The following PTPRD variants were observed in gnomAD, a reference collection of about 807,000 sequenced individuals.
PTPRD encodes protein tyrosine phosphatase receptor type D.
In PTPRD, 34 loss-of-function variants were observed where a neutral mutation model predicts 214.5. The observed-to-expected ratio is 0.16, with a 90% CI of 0.12 to 0.21. PTPRD has a LOEUF of 0.21. PTPRD is among the 10% of genes least tolerant of loss of function. The pLI is 1.00. For synonymous variants in PTPRD, 1,128 were observed against 845.7 expected, an observed-to-expected ratio of 1.33 and a Z score of -5.79; for missense variants, 2,545 against 2,398.7, an observed-to-expected ratio of 1.06 and a Z score of -1.27.
intron 12 of PTPRD, among the ~76,000 whole-genome samples, chr9:8,717,882 G>A (rs149878305): frequency 2.4e-3 from 372 of 152,238 alleles, no homozygotes; most frequent in African/African-American, 8.4e-3. Context: ...TAAGGAACCC[G>A]CTCCTGGTAG....
At chr9:9,403,025 C>A (rs144728308) in intron 8 of PTPRD, among the ~76,000 whole-genome samples, 337 of 148,182 alleles carry the variant, frequency 2.3e-3, no homozygotes, top group African/African-American at 8.1e-3. Context: ...CGCGGTGTCT[C>A]CTGCCTGTAA....
intron 10 of PTPRD, among the ~76,000 whole-genome samples, chr9:9,031,079 A>T (rs1322854631): frequency 6.6e-6 from 1 of 151,972 alleles, no homozygotes; most frequent in Non-Finnish European, 1.5e-5. Context: ...TAAATTGATG[A>T]GAGAGACTTG....
chr9:8,898,730 A>G (rs2098640808), intron 11 of PTPRD, among the ~76,000 whole-genome samples: 1 of 152,168 alleles, frequency 6.6e-6, no homozygotes, highest in African/African-American at 2.4e-5. Flanking sequence ...CACTGATGAC[A>G]AATATTGTTC....
At chr9:8,577,037 C>G (rs919033081) in intron 14 of PTPRD, among the ~76,000 whole-genome samples, 11 of 152,070 alleles carry the variant, frequency 7.2e-5, no homozygotes, top group African/African-American at 2.4e-4. Flanking sequence ...TTCAAAACAG[C>G]AAATATATTA....
chr9:8,840,715 A>G (rs1475218414), intron 11 of PTPRD, among the ~76,000 whole-genome samples: 1 of 152,176 alleles, frequency 6.6e-6, no homozygotes, highest in African/African-American at 2.4e-5. Context: ...CATAAATTTC[A>G]AACACCACAT....
In PTPRD at chr9:10,188,698, T is replaced by C. The variant is rs572461404; in HGVS notation, c.-545+152265A>G. ...GGTGTGCATGAGCATTCACATGTCA[T>C]TGGCACTGCATGGTAGGTTTTATTT... On this transcript the variant is annotated intron_variant, in intron 3 of 45. Transcript: ENST00000381196. Among the ~76,000 whole-genome samples the C allele has an allele frequency of 2.6e-5, 4 of 152,268 alleles. No individual in the cohort carries two copies. The South Asian group carries it at 6.2e-4, about 24-fold the overall frequency.
At chr9:8,583,752 T>G (rs759246994) in intron 14 of PTPRD, among the ~76,000 whole-genome samples, 1 of 152,238 alleles carries the variant, frequency 6.6e-6, no homozygotes, top group East Asian at 1.9e-4. Context: ...AGACTTCAAC[T>G]GCAATGTTTC....
intron 9 of PTPRD, among the ~76,000 whole-genome samples, chr9:9,191,347 G>A (rs1003572815): frequency 1.1e-4 from 17 of 152,082 alleles, no homozygotes; most frequent in African/African-American, 4.1e-4. Flanking sequence ...GAACTTGAGT[G>A]TGGATCTTCT....
Position 9,915,630 on chromosome 9 carries a change from C to G in PTPRD, c.-368+22877G>C, listed in dbSNP as rs113514518. Reference sequence around the variant, plus strand: ...GAACTTTAACAACAGGCTAGACCACCAAGCAGAAGAAACAAATTTCTGACC... The same window carrying G: ...GAACTTTAACAACAGGCTAGACCACGAAGCAGAAGAAACAAATTTCTGACC... On this transcript the variant is annotated intron_variant, in intron 5 of 45. Coordinates refer to ENST00000381196, the MANE Select transcript of PTPRD (RefSeq NM_002839.4). Among the ~76,000 whole-genome samples, 145 of 149,266 alleles carry G rather than the reference C, an allele frequency of 9.7e-4. 1 individual carries two copies. The highest frequency in any genetic ancestry group is 3.2e-3 in the African/African-American group (131 of 40,642).
At chr9:10,427,720 A>C (rs1190152416) in intron 2 of PTPRD, among the ~76,000 whole-genome samples, 1 of 152,110 alleles carries the variant, frequency 6.6e-6, no homozygotes, top group African/African-American at 2.4e-5. Context: ...ATATAGCAAA[A>C]AAAAGAAACC....
intron 10 of PTPRD, among the ~76,000 whole-genome samples, chr9:9,067,989 TC>T (rs1316257474): frequency 6.6e-6 from 1 of 152,192 alleles, no homozygotes; most frequent in Non-Finnish European, 1.5e-5. Flanking sequence ...TCCCCACCTC[TC>T]CCGGCTACCA....
At chr9:9,122,741 G>A (rs990363601) in intron 10 of PTPRD, among the ~76,000 whole-genome samples, 7 of 152,082 alleles carry the variant, frequency 4.6e-5, no homozygotes, top group Non-Finnish European at 8.8e-5. Context: ...TTACAGATAT[G>A]GACTATACCC....
At chr9:8,635,831 C>T (rs560720618) in intron 13 of PTPRD, among the ~76,000 whole-genome samples, 2 of 152,154 alleles carry the variant, frequency 1.3e-5, no homozygotes, top group South Asian at 4.1e-4. Flanking sequence ...CTATTGTGTG[C>T]CCATAATCTG....
chr9:10,494,380 A>G (rs1397946717), intron 2 of PTPRD, among the ~76,000 whole-genome samples: 2 of 151,760 alleles, frequency 1.3e-5, no homozygotes, highest in South Asian at 2.1e-4. Context: ...AATTTCTGTC[A>G]ACACAATCAT....
At chr9:8,336,165 A>C (rs1218669367) in intron 43 of PTPRD, among the ~76,000 whole-genome samples, 1 of 149,190 alleles carries the variant, frequency 6.7e-6, no homozygotes, top group African/African-American at 2.5e-5. Context: ...ATCCTAAGCA[A>C]AAAGAACAAG....
At chr9:9,964,057 C>CAGAGACGGAGGCAGAGACGG (rs1555403171) in intron 4 of PTPRD, among the ~76,000 whole-genome samples, 3 of 148,054 alleles carry the variant, frequency 2.0e-5, no homozygotes, top group South Asian at 2.2e-4. Flanking sequence ...GAGGCAGAGG[C>CAGAGACGGAGGCAGAGACGG]AGGCAGAGAC....
intron 5 of PTPRD, among the ~76,000 whole-genome samples, chr9:9,891,206 C>G (rs1024421148): frequency 2.0e-5 from 3 of 152,088 alleles, no homozygotes; most frequent in Non-Finnish European, 4.4e-5. Context: ...CTTCTCCCAT[C>G]CAACTCAGAT....
chr9:9,097,691 T>C (rs546867210), intron 10 of PTPRD, among the ~76,000 whole-genome samples: 1 of 152,244 alleles, frequency 6.6e-6, no homozygotes, highest in African/African-American at 2.4e-5. Context: ...ATACCATGGC[T>C]CTTGATGCAA....
intron 9 of PTPRD, among the ~76,000 whole-genome samples, chr9:9,261,626 G>A (rs1172313641): frequency 2.7e-5 from 4 of 148,010 alleles, no homozygotes; most frequent in Admixed American, 2.0e-4. Flanking sequence ...ATGAGTGTGT[G>A]CGTGTGTGCA....
Sources: allele counts gnomAD v4.1 joint callset (sites outside exome capture counted in the v4.1 genomes callset), GRCh38; gene constraint gnomAD v4.1.1; transcripts MANE v1.5; gene names NCBI Gene and HGNC (gene_info 2026-07-23, HGNC 2026-07-21).